ACOX1: variants seen among roughly 807,000 people sequenced by gnomAD.
ACOX1 encodes acyl-CoA oxidase 1.
A neutral mutation model predicts 75.5 loss-of-function variants in ACOX1; 41 were observed. The ratio of observed to expected loss-of-function variants is 0.54; its 90% CI spans 0.42 to 0.70. The LOEUF is 0.70. ACOX1 is among the 30% of genes least tolerant of loss of function. The pLI is 0.00. For synonymous variants in ACOX1, 303 were observed against 298.8 expected, an observed-to-expected ratio of 1.01 and a Z score of -0.15; for missense variants, 630 against 837.5, an observed-to-expected ratio of 0.75 and a Z score of 3.06.
At chr17:75,961,465 C>CAAAAAAAAAAAA (rs142857967) in intron 2 of ACOX1, among the ~76,000 whole-genome samples, 24 of 50,730 alleles carry the variant, frequency 4.7e-4, no homozygotes, top group Admixed American at 5.4e-4. Context: ...ACTAAAAATA[C>CAAAAAAAAAAAA]AAAAAAAAAA....
intron 3 of ACOX1, among the ~76,000 whole-genome samples, chr17:75,958,144 G>A (rs1405759368): frequency 6.6e-6 from 1 of 151,836 alleles, no homozygotes; most frequent in Non-Finnish European, 1.5e-5. Flanking sequence ...CACGAGGTCA[G>A]GAGATCGAGT....
chr17:75,946,761 T>C lies in ACOX1; in HGVS notation c.1970A>G (p.Gln657Arg), dbSNP rs745801477. 21 of 1,613,922 alleles carry C rather than the reference T, an allele frequency of 1.3e-5. No individual in the cohort carries two copies. In the East Asian group the frequency reaches 4.5e-4, roughly 34 times the overall value. The part of the protein sequence containing the change: ...HESYKHLKSL[Q>R]SKL ...CCTTGTGACACTTCAGAGCTTGGAC[T>C]GCAGTGACTTCAGGTGCTTGTAAGA... The change falls in exon 14 of 14, where the codon CAG (glutamine) becomes CGG (arginine). Residue 657 changes from glutamine (Q) to arginine (R), a missense_variant. This residue lies in a region of ACOX1 where 240 missense variants were observed against 262.7 expected (regional missense o/e 0.91). Coordinates refer to ENST00000293217, the MANE Select transcript of ACOX1 (RefSeq NM_004035.7).
chr17:75,971,518 G>T (rs1358499363), intron 2 of ACOX1, among the ~76,000 whole-genome samples: 1 of 151,738 alleles, frequency 6.6e-6, no homozygotes, highest in African/African-American at 2.4e-5. Flanking sequence ...GAGACAGGTG[G>T]ATCACCTGAG....
In ACOX1 at chr17:75,945,275, G is replaced by C. The variant is rs1194745260; in HGVS notation, c.*1473C>G. 2 of 152,068 alleles carry C rather than the reference G, an allele frequency of 1.3e-5. No individual in the cohort carries two copies. The highest frequency in any genetic ancestry group is 2.9e-5 in the Non-Finnish European group (2 of 68,014). 9.4% of individuals were successfully genotyped at this position (152,068 alleles called of 1,614,324 possible). A position where few individuals can be genotyped will look rare whatever the true frequency, so the allele number is the denominator to read the frequency against. On this transcript the variant is annotated 3_prime_UTR_variant, in exon 14 of 14. Transcript: ENST00000293217. The stretch of plus-strand genomic sequence containing the variant: ...GTCAGTTTATCATTTTCCAGAATCT[G>C]AACTACTGTCAGGATAGACTCAAGT...
rs55762557 is a variant in ACOX1 at position 75,970,184 on chromosome 17, C to CAAAAAAAAAAAAAAAAAAAAAAAA, written c.269+8349_269+8350insTTTTTTTTTTTTTTTTTTTTTTTT. Among the ~76,000 whole-genome samples the CAAAAAAAAAAAAAAAAAAAAAAAA allele has an allele frequency of 6.4e-4, 44 of 69,054 alleles. 2 individuals are homozygous for CAAAAAAAAAAAAAAAAAAAAAAAA. The highest frequency in any genetic ancestry group is 9.3e-4 in the Non-Finnish European group (33 of 35,586). The allele number at this position is 69,054 out of a possible 152,430, so 45.3% of individuals were successfully genotyped here. A position where few individuals can be genotyped will look rare whatever the true frequency, so the allele number is the denominator to read the frequency against. On this transcript the variant is annotated intron_variant, in intron 2 of 13. Transcript: ENST00000293217. ...CAGCTTGGGCAACATGAGACTCCTTCAAAAAAAAAAAAAAAAAGAGGAAGG... is the reference window on the plus strand; with the variant it reads ...CAGCTTGGGCAACATGAGACTCCTTCAAAAAAAAAAAAAAAAAAAAAAAAAAAAAAAAAAAAAAAAAGAGGAAGG...
At chr17:75,976,002 G>A (rs551345299) in intron 2 of ACOX1, among the ~76,000 whole-genome samples, 15 of 152,136 alleles carry the variant, frequency 9.9e-5, no homozygotes, top group Non-Finnish European at 1.3e-4. Context: ...ACAATTAATA[G>A]CATGTCACGG....
chr17:75,960,336 G>C lies in ACOX1; in HGVS notation c.309C>G (p.His103Gln), dbSNP rs1166137033. ...GCAAGGTGGGCAGGAACATGCCCAA[G>C]TGAAGATCCAGAGGCTCAGGCCGCC... ...HRGRPEPLDLHLGMFLPTLLH... is the reference protein window; with the variant it reads ...HRGRPEPLDLQLGMFLPTLLH... Residue 103 changes from histidine to glutamine, a missense_variant, in exon 3 of 14, where the codon CAC becomes CAG. Physicochemically the swap from His to Gln is conservative, Grantham distance 24 (BLOSUM62 0). Around this residue, in one of 2 missense-constraint regions of ACOX1, gnomAD observed 390 missense variants for 574.9 expected, o/e 0.68. Transcript: ENST00000293217. The surrounding 1 kb of genome is among the most constrained non-coding windows in gnomAD (Gnocchi z 4.4). 6.2e-7 allele frequency: 1 copy of C among 1,614,190 alleles called. No homozygotes were observed. The highest frequency in any genetic ancestry group is 2.2e-5 in the East Asian group (1 of 44,884).
rs2066079771 is a variant in ACOX1, at chr17:75,978,473, A to G, written c.269+61T>C. The G allele has an allele frequency of 6.2e-7, 1 of 1,602,780 alleles. No individual in the cohort carries two copies. Among genetic ancestry groups the G allele is most frequent in the Non-Finnish European group, 8.5e-7 (1 of 1,170,052 alleles). On this transcript the variant is annotated intron_variant, in intron 2 of 13. Transcript: ENST00000293217. The surrounding 1 kb of genome is among the most constrained non-coding windows in gnomAD (Gnocchi z 4.2). The stretch of plus-strand genomic sequence containing the variant: ...CCAAGCACGGTGATGAAAGGCCACC[A>G]TAGACCGCAGCTGTAAAGTTTAGGC...
chr17:75,946,896 T>C, intron 13 of ACOX1, 101 bp from the exon 14 acceptor site: 1 of 1,022,152 alleles, frequency 9.8e-7, no homozygotes, highest in Non-Finnish European at 1.5e-6. Flanking sequence ...TGAGACTGAG[T>C]CCTGCTCTGT....
intron 2 of ACOX1, chr17:75,973,458 C>A (rs752000168): frequency 1.6e-5 from 12 of 727,936 alleles, no homozygotes; most frequent in Non-Finnish European, 2.7e-5. Context: ...AGCCCTGGAC[C>A]AGTTTCCAGG....
intron 2 of ACOX1, among the ~76,000 whole-genome samples, chr17:75,967,122 T>C (rs2065939715): frequency 6.6e-6 from 1 of 150,766 alleles, no homozygotes; most frequent in Admixed American, 6.6e-5. Context: ...TCATTCTCAC[T>C]CTGTATCATA....
At chr17:75,974,062 AT>A (rs770154166) in intron 2 of ACOX1, among the ~76,000 whole-genome samples, 4 of 152,118 alleles carry the variant, frequency 2.6e-5, no homozygotes, top group Non-Finnish European at 4.4e-5. Context: ...AAGTTTTAGC[AT>A]AAAAACTTCT....
intron 4 of ACOX1, among the ~76,000 whole-genome samples, chr17:75,956,190 AAATAAG>A (rs2065822749): frequency 6.6e-6 from 1 of 152,186 alleles, no homozygotes; most frequent in South Asian, 2.1e-4. Context: ...TTTAGGATAA[AAATAAG>A]AATATTAATT....
chr17:75,951,637 A>G, intron 7 of ACOX1, 60 bp from the exon 8 acceptor site: 1 of 1,562,404 alleles, frequency 6.4e-7, no homozygotes, highest in East Asian at 2.2e-5. Flanking sequence ...AACTTTCTAT[A>G]TGCCAGGTTC....
At chr17:75,972,278 G>A (rs1598199760) in intron 2 of ACOX1, among the ~76,000 whole-genome samples, 1 of 145,738 alleles carries the variant, frequency 6.9e-6, no homozygotes, top group Non-Finnish European at 1.5e-5. Context: ...ACCGAGCCGA[G>A]ATGGCACAAC....
At chr17:75,972,476 G>A (rs1290003612) in intron 2 of ACOX1, among the ~76,000 whole-genome samples, 1 of 150,594 alleles carries the variant, frequency 6.6e-6, no homozygotes, top group African/African-American at 2.4e-5. Flanking sequence ...GAGAAACCAC[G>A]TCTCTACTAA....
chr17:75,949,585 A>C lies in ACOX1; in HGVS notation c.1494T>G (p.Ala498=), dbSNP rs1330921720. ...TCACTTCTTTTTGAAGGTTTTTTGC[A>C]GCAATTTCTACTAATCTGTTAAGAC... ...KLRAARLVEI[A]AKNLQKEVIH... Residue 498 remains alanine (A), a synonymous_variant, in exon 11 of 14, where the codon GCT becomes GCG. Coordinates refer to ENST00000293217, the MANE Select transcript of ACOX1 (RefSeq NM_004035.7). 6.2e-7 allele frequency: 1 copy of C among 1,614,072 alleles called. No individual in the cohort carries two copies. The highest frequency in any genetic ancestry group is 8.5e-7 in the Non-Finnish European group (1 of 1,180,034).
intron 2 of ACOX1, among the ~76,000 whole-genome samples, chr17:75,970,229 C>A (rs1275281089): frequency 7.1e-6 from 1 of 140,054 alleles, no homozygotes; most frequent in Non-Finnish European, 1.5e-5. Flanking sequence ...AGTGAGCAAG[C>A]AAGCAAACAA....
At chr17:75,954,568 C>CT (rs778030630) in intron 6 of ACOX1, among the ~76,000 whole-genome samples, 6,117 of 115,648 alleles carry the variant, frequency 0.053, 349 homozygotes, top group African/African-American at 0.068. Flanking sequence ...TTATTAGCTC[C>CT]TTTTTTTTTT....
Sources: allele counts gnomAD v4.1 joint callset (sites outside exome capture counted in the v4.1 genomes callset), GRCh38; gene constraint gnomAD v4.1.1; regional missense constraint gnomAD v4.1.1; non-coding constraint Gnocchi (gnomAD v3.1); transcripts MANE v1.5; gene names NCBI Gene and HGNC (gene_info 2026-07-23, HGNC 2026-07-21).